Variants in NEK11 observed in about 807,000 individuals in gnomAD.
NEK11 encodes the protein NIMA related kinase 11, also known as serine/threonine-protein kinase Nek11.
NEK11 carries 72 observed loss-of-function variants against 80.7 expected under a neutral mutation model. The ratio of observed to expected loss-of-function variants is 0.89; its 90% CI spans 0.74 to 1.08. The LOEUF (loss-of-function observed/expected upper bound fraction) is 1.08. Among genes scored for constraint, NEK11 ranks in the 50% least tolerant of loss-of-function variants. The pLI is 0.00. For missense variants in NEK11, 764 were observed against 763.6 expected, an observed-to-expected ratio of 1.00 and a Z score of -0.01; for synonymous variants, 251 against 260.7, an observed-to-expected ratio of 0.96 and a Z score of 0.36.
chr3:131,193,129 A>AT (rs1262369396), intron 14 of NEK11, among the ~76,000 whole-genome samples: 1 of 152,212 alleles, frequency 6.6e-6, no homozygotes, highest in Non-Finnish European at 1.5e-5. Flanking sequence ...CATACTTATC[A>AT]TGAAAGTTAA....
chr3:131,171,432 C>T (rs2092686335), intron 14 of NEK11, among the ~76,000 whole-genome samples: 1 of 152,130 alleles, frequency 6.6e-6, no homozygotes, highest in Admixed American at 6.6e-5. Context: ...TTCCAGTAAA[C>T]CTCTATTTTC....
intron 17 of NEK11, among the ~76,000 whole-genome samples, chr3:131,297,234 C>T (rs2096604583): frequency 2.0e-5 from 3 of 151,758 alleles, no homozygotes; most frequent in African/African-American, 4.8e-5. Flanking sequence ...GAGGAATCGC[C>T]ACACTGACTT....
intron 3 of NEK11, among the ~76,000 whole-genome samples, chr3:131,052,625 C>T (rs2068626036): frequency 6.6e-6 from 1 of 152,004 alleles, no homozygotes; most frequent in African/African-American, 2.4e-5. Context: ...GTATGTCTCT[C>T]GAAGGTAGTA....
intron 17 of NEK11, among the ~76,000 whole-genome samples, chr3:131,289,831 A>G (rs928681196): frequency 5.3e-5 from 8 of 152,190 alleles, no homozygotes; most frequent in African/African-American, 1.9e-4. Flanking sequence ...TCTTGATAAG[A>G]CAAACCCAGT....
At chr3:131,126,683 G>C (rs927100252) in intron 5 of NEK11, among the ~76,000 whole-genome samples, 1 of 151,988 alleles carries the variant, frequency 6.6e-6, no homozygotes, top group Non-Finnish European at 1.5e-5. Flanking sequence ...GTGGATTTTT[G>C]TTTTAAATTC....
At position 131,031,422 on chromosome 3, in the gene NEK11, T is replaced by C. The variant is rs1031183791; in HGVS notation, c.170+1544T>C. 1.1e-4 allele frequency among the ~76,000 whole-genome samples: 16 copies of C among 152,202 alleles called. 1 individual carries two copies. Among genetic ancestry groups the C allele is most frequent in the Non-Finnish European group, 2.9e-5 (2 of 68,024 alleles). ...TTATGGAAACATTGAGAGTAAGACC[T>C]AAACCAGACCCAGTACTTCTAAAAA... On this transcript the variant is annotated intron_variant, in intron 3 of 17. Transcript: ENST00000383366.
chr3:131,242,167 G>A (rs2095529407), intron 15 of NEK11, among the ~76,000 whole-genome samples: 1 of 152,008 alleles, frequency 6.6e-6, no homozygotes, highest in African/African-American at 2.4e-5. Flanking sequence ...AAAAAAATGT[G>A]GGCATTTGAC....
chr3:131,234,654 G>A (rs1039709319), intron 15 of NEK11, among the ~76,000 whole-genome samples: 9 of 151,632 alleles, frequency 5.9e-5, no homozygotes, highest in East Asian at 1.9e-4. Context: ...CCTCATTTCC[G>A]TCATGATTCT....
intron 14 of NEK11, among the ~76,000 whole-genome samples, chr3:131,180,699 A>C (rs1034143092): frequency 6.6e-6 from 1 of 152,194 alleles, no homozygotes; most frequent in African/African-American, 2.4e-5. Flanking sequence ...AGACACCATC[A>C]ATTTTGAGAT....
chr3:131,326,513 A>G (rs920388517), intron 17 of NEK11, among the ~76,000 whole-genome samples: 6 of 152,150 alleles, frequency 3.9e-5, no homozygotes, highest in African/African-American at 1.4e-4. Context: ...CCTTCTCCCA[A>G]GTCTTGGCTT....
At chr3:131,271,348 A>G (rs566812856) in intron 16 of NEK11, among the ~76,000 whole-genome samples, 17 of 152,350 alleles carry the variant, frequency 1.1e-4, no homozygotes, top group African/African-American at 4.1e-4. Context: ...CCAAGGAAAG[A>G]TCAGAGACTT....
At chr3:131,205,853 T>C (rs2094427606) in intron 14 of NEK11, among the ~76,000 whole-genome samples, 1 of 152,242 alleles carries the variant, frequency 6.6e-6, no homozygotes, top group South Asian at 2.1e-4. Context: ...TTTCAAAAAT[T>C]TGGAAGTAAT....
intron 14 of NEK11, among the ~76,000 whole-genome samples, chr3:131,206,957 G>T (rs1034789008): frequency 6.6e-6 from 1 of 152,102 alleles, no homozygotes; most frequent in Admixed American, 6.5e-5. Flanking sequence ...GGGAATGATG[G>T]TTTCCAGCTT....
chr3:131,202,749 C>T (rs1326142327), intron 14 of NEK11, among the ~76,000 whole-genome samples: 3 of 152,130 alleles, frequency 2.0e-5, no homozygotes, highest in South Asian at 4.1e-4. Context: ...TCAAACAGCC[C>T]CCTCAAAAAG....
At chr3:131,085,844 A>G (rs1426030692) in intron 4 of NEK11, among the ~76,000 whole-genome samples, 1 of 152,138 alleles carries the variant, frequency 6.6e-6, no homozygotes, top group African/African-American at 2.4e-5. Flanking sequence ...CTATTCTAGG[A>G]TCCAATCCAG....
intron 16 of NEK11, among the ~76,000 whole-genome samples, chr3:131,257,817 A>G (rs1025576705): frequency 3.9e-5 from 6 of 152,192 alleles, no homozygotes; most frequent in African/African-American, 9.7e-5. Context: ...CAATCTCACT[A>G]CTGGGTATCT....
At chr3:131,060,785 A>T (rs2070708017) in intron 3 of NEK11, among the ~76,000 whole-genome samples, 1 of 152,126 alleles carries the variant, frequency 6.6e-6, no homozygotes, top group African/African-American at 2.4e-5. Flanking sequence ...GAGGGTTTTA[A>T]TTTCTCTTCA....
intron 15 of NEK11, among the ~76,000 whole-genome samples, chr3:131,236,379 C>T (rs749075971): frequency 9.2e-5 from 14 of 151,802 alleles, no homozygotes; most frequent in Non-Finnish European, 1.5e-4. Context: ...GCTTTTTTTT[C>T]GTCTCTTTAT....
intron 14 of NEK11, among the ~76,000 whole-genome samples, chr3:131,219,022 A>T (rs988481751): frequency 1.3e-5 from 2 of 152,182 alleles, no homozygotes; most frequent in African/African-American, 4.8e-5. Flanking sequence ...ATACCATTTG[A>T]CCCAGCAATC....
Sources: allele counts gnomAD v4.1 joint callset (sites outside exome capture counted in the v4.1 genomes callset), GRCh38; gene constraint gnomAD v4.1.1; transcripts MANE v1.5; gene names NCBI Gene and HGNC (gene_info 2026-07-23, HGNC 2026-07-21).